HDLBP: variants seen among roughly 807,000 people sequenced by gnomAD.
HDLBP encodes high density lipoprotein binding protein.
Under a neutral mutation model 137.3 loss-of-function variants are expected in HDLBP, and 30 were observed. The observed-to-expected ratio is 0.22, with a 90% confidence interval of 0.16 to 0.30. The LOEUF (loss-of-function observed/expected upper bound fraction) is 0.30, where lower values mean the gene tolerates loss of function less well. HDLBP is among the 10% of genes least tolerant of loss of function. The pLI is 1.00. For missense variants in HDLBP, 1,119 were observed against 1,667.3 expected (o/e 0.67, Z 5.73); for synonymous variants, 606 against 596.0 (o/e 1.02, Z -0.24).
At position 241,262,814 on chromosome 2, in the gene HDLBP, T is replaced by G; in HGVS notation, c.347A>C (p.Glu116Ala). 6.2e-7 allele frequency: 1 copy of G among 1,614,190 alleles called. No homozygotes were observed. Among genetic ancestry groups the G allele is most frequent in the Non-Finnish European group, 8.5e-7 (1 of 1,180,010 alleles). The change falls in exon 5 of 28, where the codon GAG becomes GCG. Residue 116 changes from glutamate to alanine, a missense_variant. Transcript: ENST00000310931. ...GCCTTGGTCTTTGGCCAAAGACAGC[T>G]CCAAGTGAGCACCAGTTCTCTGCAT... ...EIMQRTGAHL[E>A]LSLAKDQGLS...
Position 241,272,452 on chromosome 2 carries a change from T to C in HDLBP, c.-102-3911A>G. Reference sequence around the variant, plus strand: ...CCGGGAGGAGGCGGGGGAGCCCAGCTTGCAGCCAAGAGCGGCCCAGCGGCG... The same window carrying C: ...CCGGGAGGAGGCGGGGGAGCCCAGCCTGCAGCCAAGAGCGGCCCAGCGGCG... On this transcript the variant is annotated intron_variant, in intron 1 of 27. Transcript: ENST00000310931. The surrounding 1 kb of genome is among the most constrained non-coding windows in gnomAD (Gnocchi z 5.6). 1.0e-6 allele frequency: 1 copy of C among 984,232 alleles called. No homozygotes were observed. The highest frequency in any genetic ancestry group is 1.2e-6 in the Non-Finnish European group (1 of 829,554). The allele number at this position is 984,232 out of a possible 1,614,324, so 61.0% of individuals were successfully genotyped here.
Position 241,272,682 on chromosome 2 carries a change from C to T in HDLBP, c.-102-4141G>A. ...CGCGGCCTCCACGTCAGCAGCCACC[C>T]CCCACCCCCCCGCCCGGCAGCCCGC... is the stretch of plus-strand genomic sequence containing the variant. On this transcript the variant is annotated intron_variant, in intron 1 of 27. Transcript: ENST00000310931. The surrounding 1 kb of genome is among the most constrained non-coding windows in gnomAD (Gnocchi z 5.6). The T allele has an allele frequency of 2.6e-6, 2 of 779,716 alleles. No individual in the cohort carries two copies. Among genetic ancestry groups the T allele is most frequent in the Non-Finnish European group, 3.1e-6 (2 of 648,114 alleles). The allele number at this position is 779,716 out of a possible 1,614,324, so 48.3% of individuals were successfully genotyped here.
At chr2:241,282,601 A>G (rs889530835) in intron 1 of HDLBP, among the ~76,000 whole-genome samples, 8 of 152,186 alleles carry the variant, frequency 5.3e-5, no homozygotes, top group Admixed American at 2.0e-4. Flanking sequence ...AGGTCTTTCC[A>G]TGCCTCTTTT....
chr2:241,292,140 G>A (rs899950386), intron 1 of HDLBP, among the ~76,000 whole-genome samples: 10 of 152,098 alleles, frequency 6.6e-5, no homozygotes, highest in African/African-American at 2.2e-4. Context: ...GCTGCTCAAC[G>A]TGCAACACAG....
intron 5 of HDLBP, among the ~76,000 whole-genome samples, 181 bp downstream of exon 5, chr2:241,262,530 T>C (rs2073289465): frequency 6.6e-6 from 1 of 152,240 alleles, no homozygotes. Flanking sequence ...AGTTCTATTA[T>C]TAGTTTAGTG....
intron 1 of HDLBP, among the ~76,000 whole-genome samples, chr2:241,303,961 A>G (rs577114332): frequency 6.6e-6 from 1 of 152,030 alleles, no homozygotes; most frequent in Non-Finnish European, 1.5e-5. Flanking sequence ...AAGGCACACC[A>G]CCAGGTCCAG....
At chr2:241,282,924 A>T (rs2149623326) in intron 1 of HDLBP, among the ~76,000 whole-genome samples, 1 of 152,324 alleles carries the variant, frequency 6.6e-6, no homozygotes, top group African/African-American at 2.4e-5. Flanking sequence ...CGTCTCTCAT[A>T]TTAAATCAAA....
intron 14 of HDLBP, among the ~76,000 whole-genome samples, chr2:241,247,576 C>G (rs2071779734): frequency 6.6e-6 from 1 of 152,204 alleles, no homozygotes; most frequent in Non-Finnish European, 1.5e-5. Context: ...CTGCCTGTGG[C>G]CTTCTCATCC....
At chr2:241,293,851 G>A (rs2075087218) in intron 1 of HDLBP, among the ~76,000 whole-genome samples, 1 of 151,332 alleles carries the variant, frequency 6.6e-6, no homozygotes, top group Non-Finnish European at 1.5e-5. Flanking sequence ...GAGCCCAGGA[G>A]GTTGAGCCTG....
chr2:241,272,265 G>A lies in HDLBP; in HGVS notation c.-102-3724C>T, dbSNP rs1433908834. The stretch of plus-strand genomic sequence containing the variant: ...CGCCCCGCCGCCACCTGGGGGGAAG[G>A]ACCCCGCTGGCCTCCCAGGGACCCC... On this transcript the variant is annotated intron_variant, in intron 1 of 27. Transcript: ENST00000310931. The surrounding 1 kb of genome is among the most constrained non-coding windows in gnomAD (Gnocchi z 5.6). 3 of 974,284 alleles carry A rather than the reference G, an allele frequency of 3.1e-6. No homozygotes were observed. The highest frequency in any genetic ancestry group is 3.7e-6 in the Non-Finnish European group (3 of 820,058). 60.4% of individuals were successfully genotyped at this position (974,284 alleles called of 1,614,324 possible).
chr2:241,273,933 A>C (rs1257904593), intron 1 of HDLBP, among the ~76,000 whole-genome samples: 2 of 151,994 alleles, frequency 1.3e-5, no homozygotes, highest in Non-Finnish European at 2.9e-5. Context: ...TTCAGTCTAA[A>C]GATGACAATG....
At chr2:241,314,888 G>A (rs1311176029) in intron 1 of HDLBP, among the ~76,000 whole-genome samples, 1 of 152,196 alleles carries the variant, frequency 6.6e-6, no homozygotes, top group Non-Finnish European at 1.5e-5. Flanking sequence ...TCCTGAACGA[G>A]GGGTATTTGC....
At position 241,229,113 on chromosome 2, in the gene HDLBP, G is replaced by A. The variant is rs562487526; in HGVS notation, c.*488C>T. On this transcript the variant is annotated 3_prime_UTR_variant, in exon 28 of 28. Transcript: ENST00000310931. ...TGCACCCTGACACCTGTGCTGAGGC[G>A]CTCTGGCAGCTGGAGGAGGCTGATT... 1.7e-4 allele frequency: 28 copies of A among 164,608 alleles called. No homozygotes were observed. Among genetic ancestry groups the A allele is most frequent in the Non-Finnish European group, 3.3e-4 (25 of 75,182 alleles). 10.2% of individuals were successfully genotyped at this position (164,608 alleles called of 1,614,324 possible). A position where few individuals can be genotyped will look rare whatever the true frequency, so the allele number is the denominator to read the frequency against.
chr2:241,232,762 C>T (rs564465306), intron 24 of HDLBP, among the ~76,000 whole-genome samples: 18 of 151,998 alleles, frequency 1.2e-4, no homozygotes, highest in Admixed American at 2.6e-4. Context: ...TACAGTGAGC[C>T]GAGATCGCGC....
In HDLBP at chr2:241,267,431, G is replaced by C. The variant is rs1035036053; in HGVS notation, c.-37-525C>G. ...ATTTCTCCACCCCAGGGGCCACAGAGACACAGTCAACACCACCCCTAACCG... is the reference window on the plus strand; with the variant it reads ...ATTTCTCCACCCCAGGGGCCACAGACACACAGTCAACACCACCCCTAACCG... On this transcript the variant is annotated intron_variant, in intron 2 of 27. Coordinates refer to ENST00000310931, the MANE Select transcript of HDLBP (RefSeq NM_005336.6). 3 of 718,582 alleles carry C rather than the reference G, an allele frequency of 4.2e-6. No homozygotes were observed. The African/African-American group carries it at 5.3e-5, about 13-fold the overall frequency. 44.5% of individuals were successfully genotyped at this position (718,582 alleles called of 1,614,324 possible). A position where few individuals can be genotyped will look rare whatever the true frequency, so the allele number is the denominator to read the frequency against.
intron 1 of HDLBP, among the ~76,000 whole-genome samples, chr2:241,283,985 T>G (rs945265184): frequency 6.6e-6 from 1 of 151,932 alleles, no homozygotes; most frequent in Non-Finnish European, 1.5e-5. Flanking sequence ...TTTAAAACGA[T>G]TTACTGAGTA....
At position 241,230,246 on chromosome 2, in the gene HDLBP, G is replaced by A. The variant is rs765201762; in HGVS notation, c.3498C>T (p.Ser1166=). The A allele has an allele frequency of 6.4e-5, 102 of 1,596,474 alleles. 1 individual carries two copies. The Admixed American group carries it at 7.3e-4, about 11-fold the overall frequency. The part of the protein sequence containing the change: ...EFKVDIRFPQ[S]GAPDPNCVTV... ...TGACGCAGTTGGGGTCTGGGGCTCC[G>A]CTCTGTGGGAAGCGAATGTCCACCT... The change falls in exon 26 of 28, where the codon AGC becomes AGT. Residue 1166 remains serine, a synonymous_variant. Transcript: ENST00000310931. The surrounding 1 kb of genome is among the most constrained non-coding windows in gnomAD (Gnocchi z 5.0).
chr2:241,266,219 T>TC (rs1258220932), intron 3 of HDLBP, among the ~76,000 whole-genome samples: 4 of 151,954 alleles, frequency 2.6e-5, no homozygotes, highest in Admixed American at 6.6e-5. Flanking sequence ...TATCAATGGT[T>TC]CCCCCCCTTT....
chr2:241,268,393 AG>A (rs1188072299), intron 2 of HDLBP, 83 bp downstream of exon 2: 5 of 866,062 alleles, frequency 5.8e-6, no homozygotes. Context: ...AGGTACACAC[AG>A]GACTAAGAAA....
Sources: allele counts gnomAD v4.1 joint callset (sites outside exome capture counted in the v4.1 genomes callset), GRCh38; gene constraint gnomAD v4.1.1; non-coding constraint Gnocchi (gnomAD v3.1); transcripts MANE v1.5; gene names NCBI Gene and HGNC (gene_info 2026-07-23, HGNC 2026-07-21).